The following GTF2H5 variants were observed in gnomAD, a reference collection of about 807,000 sequenced individuals.
GTF2H5 encodes TFB5 ortholog.
In GTF2H5, 5 loss-of-function variants were observed where a neutral mutation model predicts 7.1. The observed-to-expected ratio is 0.71, with a 90% CI of 0.37 to 1.49. The LOEUF is 1.49. Ranked by LOEUF, GTF2H5 falls within the 40% of genes most tolerant of loss-of-function variation. GTF2H5 has a pLI of 0.03. For missense variants in GTF2H5, 80 were observed against 83.0 expected (o/e 0.96, Z 0.14); for synonymous variants, 30 against 31.7 (o/e 0.95, Z 0.18).
chr6:158,169,505 T>C lies in GTF2H5; in HGVS notation c.-34-965T>C. Among the ~76,000 whole-genome samples, 4 of 83,992 alleles carry C rather than the reference T, an allele frequency of 4.8e-5. 1 individual carries two copies. The highest frequency in any genetic ancestry group is 3.7e-4 in the South Asian group (1 of 2,726). 55.1% of individuals were successfully genotyped at this position (83,992 alleles called of 152,430 possible). A position where few individuals can be genotyped will look rare whatever the true frequency, so the allele number is the denominator to read the frequency against. On this transcript the variant is annotated intron_variant, in intron 1 of 2. Coordinates refer to ENST00000607778, the MANE Select transcript of GTF2H5 (RefSeq NM_207118.3). ...ATAATATATTGTATATTATATAATA[T>C]ATTGTATATTATATATAATATACAG...
chr6:158,180,782 GTCTA>G (rs143787501), intron 2 of GTF2H5, among the ~76,000 whole-genome samples: 1,649 of 149,930 alleles, frequency 0.011, 10 homozygotes, highest in Non-Finnish European at 0.016. Context: ...CTTGCTAGCG[GTCTA>G]TCTATTTTGT....
intron 2 of GTF2H5, among the ~76,000 whole-genome samples, chr6:158,182,203 C>G (rs1429598004): frequency 6.6e-6 from 1 of 152,312 alleles, no homozygotes; most frequent in East Asian, 1.9e-4. Flanking sequence ...AATATTGGCC[C>G]CCACTCTCTT....
rs190055844 is a variant in GTF2H5 at position 158,169,564 on chromosome 6, A to G, written c.-34-906A>G. On this transcript the variant is annotated intron_variant, in intron 1 of 2. Transcript: ENST00000607778. The stretch of plus-strand genomic sequence containing the variant: ...ATATAATATACTGTATATTATATAT[A>G]ATATATTGTATATTATATATAATAT... Among the ~76,000 whole-genome samples the G allele has an allele frequency of 1.1e-4, 8 of 70,340 alleles. 1 individual carries two copies. In the South Asian group the frequency reaches 1.7e-3, roughly 15 times the overall value. The allele number at this position is 70,340 out of a possible 152,430, so 46.1% of individuals were successfully genotyped here.
chr6:158,178,804 T>C (rs1394899644), intron 2 of GTF2H5, among the ~76,000 whole-genome samples: 1 of 152,242 alleles, frequency 6.6e-6, no homozygotes, highest in Admixed American at 6.5e-5. Flanking sequence ...AGGTTGCCTG[T>C]TCACTCTGAT....
At chr6:158,191,066 A>G (rs1256542438) in intron 2 of GTF2H5, 2 of 368,062 alleles carry the variant, frequency 5.4e-6, no homozygotes, top group African/African-American at 4.3e-5. Context: ...ACTGTCCTTG[A>G]CATTATCTCC....
chr6:158,175,984 CAT>C (rs1342537722), intron 2 of GTF2H5, among the ~76,000 whole-genome samples: 1 of 152,192 alleles, frequency 6.6e-6, no homozygotes, highest in Non-Finnish European at 1.5e-5. Context: ...TTCCATGTGA[CAT>C]GTGCTATACT....
chr6:158,188,478 C>T (rs1249379475), intron 2 of GTF2H5, among the ~76,000 whole-genome samples: 1 of 152,200 alleles, frequency 6.6e-6, no homozygotes, highest in Non-Finnish European at 1.5e-5. Context: ...CCTGTTTAAC[C>T]TGCTTCATCA....
chr6:158,188,168 CAT>C (rs1776961166), intron 2 of GTF2H5, among the ~76,000 whole-genome samples: 1 of 152,188 alleles, frequency 6.6e-6, no homozygotes, highest in Admixed American at 6.5e-5. Context: ...GCACCACGGT[CAT>C]ATGAGTCCTC....
chr6:158,189,818 C>G (rs897310174), intron 2 of GTF2H5, among the ~76,000 whole-genome samples: 5 of 152,212 alleles, frequency 3.3e-5, no homozygotes, highest in Admixed American at 6.5e-5. Context: ...GTCATGCTTT[C>G]CCTATTATGA....
Position 158,169,667 on chromosome 6 carries a change from G to A in GTF2H5, c.-34-803G>A, listed in dbSNP as rs11755587. 7.0e-4 allele frequency among the ~76,000 whole-genome samples: 36 copies of A among 51,204 alleles called. 1 individual carries two copies. Among genetic ancestry groups the A allele is most frequent in the South Asian group, 4.6e-3 (7 of 1,538 alleles). 33.6% of individuals were successfully genotyped at this position (51,204 alleles called of 152,430 possible). A position where few individuals can be genotyped will look rare whatever the true frequency, so the allele number is the denominator to read the frequency against. On this transcript the variant is annotated intron_variant, in intron 1 of 2. Transcript: ENST00000607778. ...TATTGTATATTACATATAATATATT[G>A]TATATTATATAATATATAATATATA...
chr6:158,172,000 T>TATTTATTTTTAAATTTAAATTTCCTC (rs1785863548), intron 2 of GTF2H5, among the ~76,000 whole-genome samples: 1 of 152,134 alleles, frequency 6.6e-6, no homozygotes, highest in Non-Finnish European at 1.5e-5. Flanking sequence ...TGGCCTTTAG[T>TATTTATTTTTAAATTTAAATTTCCTC]GTTATTTTTA....
intron 1 of GTF2H5, among the ~76,000 whole-genome samples, chr6:158,169,766 A>ATATATTGTATAT (rs1361858640): frequency 5.3e-5 from 3 of 57,012 alleles, no homozygotes; most frequent in Non-Finnish European, 9.8e-5. Context: ...ATTGTATATT[A>ATATATTGTATAT]TATATAATAT....
chr6:158,169,772 A>ATATAATATATTTTATATTATATATT (rs1187068824), intron 1 of GTF2H5, among the ~76,000 whole-genome samples: 1 of 53,952 alleles, frequency 1.9e-5, no homozygotes, highest in African/African-American at 9.2e-5. Flanking sequence ...TATTATATAT[A>ATATAATATATTTTATATTATATATT]ATATATTGTA....
intron 1 of GTF2H5, among the ~76,000 whole-genome samples, chr6:158,169,999 C>T (rs867866944): frequency 1.9e-4 from 28 of 151,044 alleles, no homozygotes; most frequent in African/African-American, 4.9e-4. Flanking sequence ...ACAGCCTGGG[C>T]GGCAGAGCCA....
rs1489144547 is a variant in GTF2H5, at chr6:158,195,965, T to C, written c.*3808T>C. The C allele has an allele frequency of 6.6e-6, 1 of 152,116 alleles. No homozygotes were observed. The highest frequency in any genetic ancestry group is 1.5e-5 in the Non-Finnish European group (1 of 68,040). 9.4% of individuals were successfully genotyped at this position (152,116 alleles called of 1,614,324 possible). A position where few individuals can be genotyped will look rare whatever the true frequency, so the allele number is the denominator to read the frequency against. Reference sequence around the variant, plus strand: ...GGATAAACTTTTTTAAAAACACTGTTCTCAAGATAGGCAAGTGATTAAGAG... The same window carrying C: ...GGATAAACTTTTTTAAAAACACTGTCCTCAAGATAGGCAAGTGATTAAGAG... On this transcript the variant is annotated 3_prime_UTR_variant, in exon 3 of 3. Coordinates refer to ENST00000607778, the MANE Select transcript of GTF2H5 (RefSeq NM_207118.3).
Position 158,197,797 on chromosome 6 carries a change from G to A in GTF2H5, c.*5640G>A, listed in dbSNP as rs2128433156. The A allele has an allele frequency of 6.6e-6, 1 of 152,048 alleles. No homozygotes were observed. Among genetic ancestry groups the A allele is most frequent in the Middle Eastern group, 3.4e-3 (1 of 294 alleles). 9.4% of individuals were successfully genotyped at this position (152,048 alleles called of 1,614,324 possible). On this transcript the variant is annotated 3_prime_UTR_variant, in exon 3 of 3. Transcript: ENST00000607778. ...CATTAGGTATCCATCTCCCAGTCCT[G>A]ATTTGGCTCCTTCTGACTTCTTTTT...
At chr6:158,190,621 G>A (rs761553183) in intron 2 of GTF2H5, 3 of 478,318 alleles carry the variant, frequency 6.3e-6, no homozygotes. Context: ...ACTCATCTAG[G>A]GATAGAAGTA....
chr6:158,169,645 TGTATATTAC>T, intron 1 of GTF2H5, among the ~76,000 whole-genome samples: 1 of 71,234 alleles, frequency 1.4e-5, no homozygotes, highest in South Asian at 4.6e-4. Flanking sequence ...TTACATATAT[TGTATATTAC>T]ATATAATATA....
rs1003040249 is a variant in GTF2H5 at position 158,169,770 on chromosome 6, ATAAT to A, written c.-34-699_-34-696del. ...TTATATAATATATTGTATATTATATATAATATATTGTATATTATATATTATATAT... is the reference window on the plus strand; with the variant it reads ...TTATATAATATATTGTATATTATATAATATTGTATATTATATATTATATAT... On this transcript the variant is annotated intron_variant, in intron 1 of 2. Transcript: ENST00000607778. Among the ~76,000 whole-genome samples the A allele has an allele frequency of 8.1e-5, 6 of 73,988 alleles. 1 individual carries two copies. In the Admixed American group the frequency reaches 1.3e-3, roughly 16 times the overall value. 48.5% of individuals were successfully genotyped at this position (73,988 alleles called of 152,430 possible).
Sources: allele counts gnomAD v4.1 joint callset (sites outside exome capture counted in the v4.1 genomes callset), GRCh38; gene constraint gnomAD v4.1.1; transcripts MANE v1.5; gene names NCBI Gene and HGNC (gene_info 2026-07-23, HGNC 2026-07-21).